Variants in GYPC observed in about 807,000 individuals in gnomAD.
GYPC encodes glycophorin-C.
Under a neutral mutation model 12.6 loss-of-function variants are expected in GYPC, and 14 were observed. That is an observed-to-expected ratio of 1.11 (90% CI 0.74 to 1.74). The LOEUF (loss-of-function observed/expected upper bound fraction) is 1.74, where lower values mean the gene tolerates loss of function less well. GYPC is among the 40% of genes most tolerant of loss of function. The pLI is 0.00. For synonymous variants in GYPC, 78 were observed against 62.1 expected (o/e 1.26, Z -1.20); for missense variants, 225 against 172.1 (o/e 1.31, Z -1.72).
intron 1 of GYPC, among the ~76,000 whole-genome samples, chr2:126,671,426 G>A (rs560859589): frequency 1.3e-5 from 2 of 152,344 alleles, no homozygotes; most frequent in South Asian, 4.1e-4. Context: ...TCACAGGCAC[G>A]AGCACAGGGG....
At chr2:126,675,925 C>T (rs1573565447) in intron 1 of GYPC, among the ~76,000 whole-genome samples, 1 of 152,200 alleles carries the variant, frequency 6.6e-6, no homozygotes, top group African/African-American at 2.4e-5. Flanking sequence ...CAAAACAACT[C>T]AGAAGTAGTT....
At chr2:126,656,471 G>T (rs948164527) in intron 1 of GYPC, among the ~76,000 whole-genome samples, 159 bp downstream of exon 1, 1 of 152,176 alleles carries the variant, frequency 6.6e-6, no homozygotes, top group Non-Finnish European at 1.5e-5. Context: ...CCCGACTCCA[G>T]CCCCGGTTCC....
chr2:126,657,102 G>A (rs1317142971), intron 1 of GYPC, among the ~76,000 whole-genome samples: 1 of 152,224 alleles, frequency 6.6e-6, no homozygotes, highest in African/African-American at 2.4e-5. Flanking sequence ...CCTATCATGT[G>A]ACAATGATAC....
chr2:126,685,905 G>A (rs1683276386), intron 1 of GYPC: 1 of 985,270 alleles, frequency 1.0e-6, no homozygotes, highest in Non-Finnish European at 1.2e-6. Context: ...CCTCCTCCCA[G>A]AACACCTAGG....
At chr2:126,694,780 C>T (rs1044669467) in intron 3 of GYPC, among the ~76,000 whole-genome samples, 7 of 123,762 alleles carry the variant, frequency 5.7e-5, no homozygotes, top group African/African-American at 1.8e-4. Context: ...CCAAGGCCTC[C>T]AAATAAACCT....
intron 2 of GYPC, among the ~76,000 whole-genome samples, chr2:126,691,573 G>T (rs2280240): frequency 0.59 from 89,892 of 151,874 alleles, 27,102 homozygotes; most frequent in African/African-American, 0.7. Context: ...CACACAACCT[G>T]CCCCAAGCAC....
In GYPC at chr2:126,693,870, A is replaced by C. The variant is rs1683551493; in HGVS notation, c.113A>C (p.Asp38Ala). The C allele has an allele frequency of 6.2e-7, 1 of 1,607,918 alleles. No individual in the cohort carries two copies. Among genetic ancestry groups the C allele is most frequent in the Admixed American group, 1.7e-5 (1 of 59,980 alleles). The part of the protein sequence containing the change: ...TMHTTTIAEP[D>A]PGMSGWPDGR... The stretch of plus-strand genomic sequence containing the variant: ...TCTTGTCCTCTGTTCACAGAGCCTG[A>C]TCCAGGGATGTCTGGATGGCCGGAT... The change falls in exon 3 of 4, where the codon GAT becomes GCT. Residue 38 changes from aspartate to alanine, a missense_variant. Transcript: ENST00000259254.
intron 1 of GYPC, among the ~76,000 whole-genome samples, chr2:126,671,553 A>G (rs984801868): frequency 6.6e-6 from 1 of 152,184 alleles, no homozygotes; most frequent in Admixed American, 6.5e-5. Flanking sequence ...TCGGGGGTCA[A>G]TGTGTGTCCG....
intron 1 of GYPC, among the ~76,000 whole-genome samples, chr2:126,671,049 C>T (rs28369980): frequency 0.014 from 2,114 of 152,298 alleles, 25 homozygotes; most frequent in Middle Eastern, 0.054. Context: ...ACCTCAACCC[C>T]GTGAGTGGAT....
At chr2:126,671,321 G>C (rs1682848646) in intron 1 of GYPC, among the ~76,000 whole-genome samples, 1 of 152,366 alleles carries the variant, frequency 6.6e-6, no homozygotes, top group East Asian at 1.9e-4. Context: ...GCCGGAGGGA[G>C]AGCCAGAGCA....
intron 1 of GYPC, among the ~76,000 whole-genome samples, chr2:126,687,401 A>T (rs1233908923): frequency 6.6e-6 from 1 of 152,138 alleles, no homozygotes; most frequent in Non-Finnish European, 1.5e-5. Flanking sequence ...GAGAATTTCT[A>T]TTTCTAACAG....
intron 2 of GYPC, among the ~76,000 whole-genome samples, chr2:126,693,231 C>T (rs1558893557): frequency 6.6e-6 from 1 of 152,216 alleles, no homozygotes. Flanking sequence ...CACTGGAGAG[C>T]AGGTTGTTAT....
At chr2:126,670,386 C>T (rs1170314955) in intron 1 of GYPC, among the ~76,000 whole-genome samples, 1 of 152,232 alleles carries the variant, frequency 6.6e-6, no homozygotes, top group Non-Finnish European at 1.5e-5. Context: ...CCCAGCAGGC[C>T]ACCCACCTCA....
At position 126,673,028 on chromosome 2, in the gene GYPC, G is replaced by A. The variant is rs369679163; in HGVS notation, c.49+16716G>A. ...CTCACCCAGAAGGCAAGTCACACTC[G>A]AGGTCAGGATCCTAATACCCAGAAG... On this transcript the variant is annotated intron_variant, in intron 1 of 3. Transcript: ENST00000259254. Among the ~76,000 whole-genome samples, 90 of 152,162 alleles carry A rather than the reference G, an allele frequency of 5.9e-4. No individual in the cohort carries two copies. In the South Asian group the frequency reaches 0.017, roughly 28 times the overall value.
At position 126,686,104 on chromosome 2, in the gene GYPC, G is replaced by A. The variant is rs28387190; in HGVS notation, c.50-4151G>A. The A allele has an allele frequency of 1.4e-3, 1,388 of 985,202 alleles. 17 individuals are homozygous for A. In the African/African-American group the frequency reaches 0.022, roughly 16 times the overall value. The allele number at this position is 985,202 out of a possible 1,614,324, so 61.0% of individuals were successfully genotyped here. On this transcript the variant is annotated intron_variant, in intron 1 of 3. Coordinates refer to ENST00000259254, the MANE Select transcript of GYPC (RefSeq NM_002101.5). ...CCGGGAAATGTAAAGACCAGCCCAC[G>A]CAGGAAAAAAAGAGAACTTTTTAGC...
intron 1 of GYPC, among the ~76,000 whole-genome samples, chr2:126,683,572 C>T (rs549554070): frequency 4.7e-4 from 71 of 152,198 alleles, no homozygotes; most frequent in Non-Finnish European, 8.8e-4. Context: ...TTTCCTTTTA[C>T]TTAGATGTCA....
At chr2:126,694,418 A>G (rs1683581360) in intron 3 of GYPC, among the ~76,000 whole-genome samples, 1 of 152,134 alleles carries the variant, frequency 6.6e-6, no homozygotes, top group Admixed American at 6.6e-5. Flanking sequence ...CATGGCTGTG[A>G]CTGCAAACTG....
chr2:126,695,808 C>G, intron 3 of GYPC, 138 bp from the exon 4 acceptor site: 4 of 743,288 alleles, frequency 5.4e-6, no homozygotes, highest in Non-Finnish European at 9.8e-6. Context: ...GAACCTGGCT[C>G]CCATCATAAA....
Position 126,664,951 on chromosome 2 carries a change from TTCTC to T in GYPC, c.49+8663_49+8666del, listed in dbSNP as rs143811361. Among the ~76,000 whole-genome samples the T allele has an allele frequency of 7.2e-4, 107 of 148,702 alleles. 1 individual carries two copies. Among genetic ancestry groups the T allele is most frequent in the Middle Eastern group, 3.5e-3 (1 of 284 alleles). On this transcript the variant is annotated intron_variant, in intron 1 of 3. Transcript: ENST00000259254. ...TCAGGTCATGCACTACTTGCTGTCT[TTCTC>T]TCTCTCTCTCTCTCTCTCTCTCTGT...
Sources: gnomAD v4.1 joint callset for allele counts (sites outside exome capture counted in the v4.1 genomes callset) on GRCh38, gnomAD v4.1.1 for gene constraint, MANE v1.5 for transcripts, NCBI Gene and HGNC (gene_info 2026-07-23, HGNC 2026-07-21) for gene names.